Variants in FNDC3B observed in about 807,000 individuals in gnomAD.
The protein encoded by FNDC3B is fibronectin type III domain containing 3B, also known as fibronectin type III domain-containing protein 3B.
In FNDC3B, 12 loss-of-function variants were observed where a neutral mutation model predicts 151.5. That is an observed-to-expected ratio of 0.08 (90% CI 0.05 to 0.13). FNDC3B has a LOEUF of 0.13. Ranked by LOEUF, FNDC3B falls within the 10% of genes least tolerant of loss-of-function variation. The pLI, the probability that FNDC3B is intolerant of heterozygous loss-of-function variation, is 1.00. For synonymous variants in FNDC3B, 528 were observed against 549.0 expected, an observed-to-expected ratio of 0.96 and a Z score of 0.54; for missense variants, 1,214 against 1,505.3, an observed-to-expected ratio of 0.81 and a Z score of 3.20.
In FNDC3B at chr3:172,122,228, G is replaced by A. The variant is rs906567560; in HGVS notation, c.111+9638G>A. On this transcript the variant is annotated intron_variant, in intron 2 of 25. Transcript: ENST00000415807. ...AACATGACAGTAGTAAGCAAGCTGC[G>A]TAAAATTCGTAACATTAATCTCCAA... 2.6e-5 allele frequency among the ~76,000 whole-genome samples: 4 copies of A among 151,960 alleles called. No homozygotes were observed. In the South Asian group the frequency reaches 6.2e-4, roughly 24 times the overall value.
chr3:172,191,896 T>C (rs2108673370), intron 3 of FNDC3B, among the ~76,000 whole-genome samples: 2 of 152,146 alleles, frequency 1.3e-5, no homozygotes, highest in South Asian at 4.2e-4. Context: ...GTGTAGAGGA[T>C]ATAGAAGTAG....
At chr3:172,237,983 G>A (rs1203045096) in intron 4 of FNDC3B, among the ~76,000 whole-genome samples, 2 of 152,144 alleles carry the variant, frequency 1.3e-5, no homozygotes, top group East Asian at 1.9e-4. Context: ...GAGCTGGTCC[G>A]AAACCTAGAA....
chr3:172,059,068 T>G (rs757253098), intron 1 of FNDC3B, among the ~76,000 whole-genome samples: 206 of 152,330 alleles, frequency 1.4e-3, no homozygotes, highest in Non-Finnish European at 1.1e-3. Context: ...TTCCATAATG[T>G]TTATTTTCCT....
At chr3:172,192,603 G>A (rs1371474279) in intron 3 of FNDC3B, among the ~76,000 whole-genome samples, 3 of 152,086 alleles carry the variant, frequency 2.0e-5, no homozygotes, top group African/African-American at 7.2e-5. Flanking sequence ...GCCAGGAACT[G>A]TTTTATAAGT....
chr3:172,091,873 G>GATGTGTGTGTGTGT (rs3221957), intron 1 of FNDC3B, among the ~76,000 whole-genome samples: 1 of 124,756 alleles, frequency 8.0e-6, no homozygotes, highest in African/African-American at 3.2e-5. Context: ...ACTTTACTGG[G>GATGTGTGTGTGTGT]GTGTGTGTGT....
chr3:172,162,116 C>A (rs1436337353), intron 3 of FNDC3B, among the ~76,000 whole-genome samples: 1 of 151,846 alleles, frequency 6.6e-6, no homozygotes, highest in Admixed American at 6.6e-5. Flanking sequence ...TAGCTGGGAC[C>A]ACAGGCAATG....
intron 1 of FNDC3B, among the ~76,000 whole-genome samples, chr3:172,096,052 G>T (rs529497364): frequency 6.6e-6 from 1 of 152,118 alleles, no homozygotes; most frequent in African/African-American, 2.4e-5. Flanking sequence ...AAGCCACATC[G>T]TACATATTGC....
chr3:172,167,121 T>C (rs945775895), intron 3 of FNDC3B, among the ~76,000 whole-genome samples: 1 of 152,100 alleles, frequency 6.6e-6, no homozygotes, highest in Non-Finnish European at 1.5e-5. Flanking sequence ...AAGGGCCGGG[T>C]ACATTGGCTC....
At chr3:172,267,965 C>T (rs1337237087) in intron 6 of FNDC3B, among the ~76,000 whole-genome samples, 3 of 152,160 alleles carry the variant, frequency 2.0e-5, no homozygotes, top group Non-Finnish European at 4.4e-5. Flanking sequence ...TCTGTGGACC[C>T]TGAGGTGTCA....
rs1160018789 is a variant in FNDC3B at position 172,401,345 on chromosome 3, AGG to A, written c.*3871_*3872del. 6.6e-6 allele frequency: 1 copy of A among 152,222 alleles called. No homozygotes were observed. The highest frequency in any genetic ancestry group is 6.5e-5 in the Admixed American group (1 of 15,284). The allele number at this position is 152,222 out of a possible 1,614,324, so 9.4% of individuals were successfully genotyped here. A position where few individuals can be genotyped will look rare whatever the true frequency, so the allele number is the denominator to read the frequency against. ...CAGCTCTTGCTGACCAAGGCCTTGG[AGG>A]ACTGTGAGCCACAATCACATATGTC... On this transcript the variant is annotated 3_prime_UTR_variant, in exon 26 of 26. Coordinates refer to ENST00000415807, the MANE Select transcript of FNDC3B (RefSeq NM_022763.4).
chr3:172,269,630 T>TG (rs1459705077), intron 6 of FNDC3B, among the ~76,000 whole-genome samples: 44 of 150,548 alleles, frequency 2.9e-4, no homozygotes, highest in African/African-American at 1.1e-3. Flanking sequence ...GTTTTTTTGT[T>TG]TGTTGTTTTG....
chr3:172,043,837 AAGT>A (rs1305304595), intron 1 of FNDC3B, among the ~76,000 whole-genome samples: 4 of 152,220 alleles, frequency 2.6e-5, no homozygotes, highest in Non-Finnish European at 5.9e-5. Context: ...ATTGCTGAAA[AAGT>A]AGTCAGAACT....
At chr3:172,244,617 C>CTTTTTTTTTTTTTTTT (rs11294678) in intron 4 of FNDC3B, among the ~76,000 whole-genome samples, 1 of 73,064 alleles carries the variant, frequency 1.4e-5, no homozygotes. Flanking sequence ...AATATTTCAC[C>CTTTTTTTTTTTTTTTT]TTTTTTTTTT....
chr3:172,257,890 C>T (rs1409553951), intron 6 of FNDC3B, among the ~76,000 whole-genome samples: 1 of 152,210 alleles, frequency 6.6e-6, no homozygotes, highest in African/African-American at 2.4e-5. Flanking sequence ...CATTTGAGAA[C>T]TGCTGGCTCT....
At chr3:172,120,998 T>A (rs765838153) in intron 2 of FNDC3B, among the ~76,000 whole-genome samples, 2 of 151,968 alleles carry the variant, frequency 1.3e-5, no homozygotes, top group African/African-American at 4.8e-5. Flanking sequence ...CCAGAAGATA[T>A]GTTAACACTG....
intron 9 of FNDC3B, among the ~76,000 whole-genome samples, chr3:172,306,140 T>C (rs1731186556): frequency 6.6e-6 from 1 of 152,236 alleles, no homozygotes; most frequent in Admixed American, 6.5e-5. Context: ...GAGAAATGAC[T>C]TTGCAAATCA....
rs1730549905 is a variant in FNDC3B at position 172,295,368 on chromosome 3, T to C, written c.855T>C (p.Ser285=). Residue 285 remains serine, a synonymous_variant, in exon 8 of 26, where the codon TCT becomes TCC. Transcript: ENST00000415807. ...CCCATGTTTTTCTTCCTCAGGTTTC[T>C]AATATTCAGGCAAGAGCAGTTGTGT... ...ILSGIEKPQV[S]NIQARAVVLS... is the part of the protein sequence containing the mutation. 1 of 1,603,152 alleles carries C rather than the reference T, an allele frequency of 6.2e-7. No homozygotes were observed. The highest frequency in any genetic ancestry group is 2.2e-5 in the East Asian group (1 of 44,826).
At position 172,337,414 on chromosome 3, in the gene FNDC3B, G is replaced by C. The variant is rs745472774; in HGVS notation, c.1852+13G>C. 6.3e-7 allele frequency: 1 copy of C among 1,588,576 alleles called. No homozygotes were observed. Among genetic ancestry groups the C allele is most frequent in the Admixed American group, 1.7e-5 (1 of 59,956 alleles). The stretch of plus-strand genomic sequence containing the variant: ...GGAAATTCTGAAGGTGAAGTTTTTG[G>C]CAATTGTTTTATTCAAATCCAATAG... On this transcript the variant is annotated intron_variant, in intron 16 of 25. Transcript: ENST00000415807.
chr3:172,281,208 ATTAT>A lies in FNDC3B; in HGVS notation c.791-4713_791-4710del, dbSNP rs62700161. On this transcript the variant is annotated intron_variant, in intron 6 of 25. Transcript: ENST00000415807. ...CACTATACAAGAGTGCCTTATTATT[ATTAT>A]TTATATTTATTTATTTATTTATTTA... 4.0e-3 allele frequency among the ~76,000 whole-genome samples: 513 copies of A among 129,030 alleles called. 5 individuals carry two copies. The highest frequency in any genetic ancestry group is 0.013 in the African/African-American group (427 of 33,676). The allele number at this position is 129,030 out of a possible 152,430, so 84.6% of individuals were successfully genotyped here.
Sources: allele counts gnomAD v4.1 joint callset (sites outside exome capture counted in the v4.1 genomes callset), GRCh38; gene constraint gnomAD v4.1.1; transcripts MANE v1.5; gene names NCBI Gene and HGNC (gene_info 2026-07-23, HGNC 2026-07-21).